FAM193A: variants seen among roughly 807,000 people sequenced by gnomAD.
The protein encoded by FAM193A is family with sequence similarity 193 member A.
FAM193A carries 22 observed loss-of-function variants against 126.5 expected under a neutral mutation model. The observed-to-expected ratio is 0.17, with a 90% confidence interval of 0.12 to 0.25. The LOEUF is 0.25. Ranked by LOEUF, FAM193A falls within the 10% of genes least tolerant of loss-of-function variation. The pLI is 1.00. For synonymous variants in FAM193A, 761 were observed against 646.8 expected (o/e 1.18, Z -2.68); for missense variants, 1,675 against 1,672.8 (o/e 1.00, Z -0.02).
At chr4:2,621,088 C>T (rs980125441) in intron 2 of FAM193A, among the ~76,000 whole-genome samples, 3 of 152,018 alleles carry the variant, frequency 2.0e-5, no homozygotes, top group Non-Finnish European at 2.9e-5. Flanking sequence ...CTGGAGAGTG[C>T]GTGCCTCTCA....
chr4:2,670,785 G>T (rs1360880841), intron 12 of FAM193A, among the ~76,000 whole-genome samples: 5 of 151,974 alleles, frequency 3.3e-5, no homozygotes, highest in African/African-American at 7.3e-5. Flanking sequence ...TTTAATCTTT[G>T]CTTGTCTCAT....
intron 19 of FAM193A, among the ~76,000 whole-genome samples, chr4:2,700,975 T>TAG (rs59346372): frequency 0.056 from 8,523 of 151,352 alleles, 354 homozygotes; most frequent in African/African-American, 0.12. Context: ...AAAATACATA[T>TAG]AGAGAGAGAG....
At chr4:2,691,028 T>G in intron 15 of FAM193A, 58 bp downstream of exon 15, 2 of 1,496,144 alleles carry the variant, frequency 1.3e-6, no homozygotes, top group Non-Finnish European at 1.8e-6. Context: ...GCTTACTGAC[T>G]TCTCGTCTTT....
intron 2 of FAM193A, among the ~76,000 whole-genome samples, chr4:2,619,024 G>A (rs904183346): frequency 3.3e-5 from 5 of 152,160 alleles, no homozygotes; most frequent in East Asian, 1.9e-4. Flanking sequence ...GAGCCATCGC[G>A]TCTGGGCTGG....
At chr4:2,655,707 G>A (rs1711591166) in intron 7 of FAM193A, among the ~76,000 whole-genome samples, 1 of 152,002 alleles carries the variant, frequency 6.6e-6, no homozygotes, top group African/African-American at 2.4e-5. Flanking sequence ...AAAGCAGAAG[G>A]ATCGCTTGAG....
At chr4:2,685,475 C>G (rs541409097) in intron 13 of FAM193A, among the ~76,000 whole-genome samples, 1 of 152,284 alleles carries the variant, frequency 6.6e-6, no homozygotes, top group South Asian at 2.1e-4. Flanking sequence ...GATCTTCGAC[C>G]TGCATGTTCT....
intron 2 of FAM193A, among the ~76,000 whole-genome samples, chr4:2,605,068 C>T (rs1441798773): frequency 6.6e-6 from 1 of 151,728 alleles, no homozygotes; most frequent in Non-Finnish European, 1.5e-5. Flanking sequence ...CTTGGCCTCT[C>T]CAAGTGCTGG....
At chr4:2,648,236 A>G (rs187426015) in intron 7 of FAM193A, among the ~76,000 whole-genome samples, 57 of 152,212 alleles carry the variant, frequency 3.7e-4, no homozygotes, top group Admixed American at 1.0e-3. Context: ...GTAAGTTCCA[A>G]CTTCGTCACA....
At chr4:2,652,699 G>A (rs973301415) in intron 7 of FAM193A, among the ~76,000 whole-genome samples, 1 of 152,074 alleles carries the variant, frequency 6.6e-6, no homozygotes, top group Non-Finnish European at 1.5e-5. Context: ...CCAACAATGG[G>A]GATTACAGTT....
intron 7 of FAM193A, among the ~76,000 whole-genome samples, chr4:2,651,703 G>A (rs758699947): frequency 4.6e-5 from 7 of 152,232 alleles, no homozygotes; most frequent in Non-Finnish European, 8.8e-5. Flanking sequence ...TTGACATGAC[G>A]TCACGGCAGA....
intron 13 of FAM193A, among the ~76,000 whole-genome samples, chr4:2,674,579 G>A (rs555740020): frequency 5.3e-5 from 8 of 152,292 alleles, no homozygotes; most frequent in African/African-American, 1.4e-4. Flanking sequence ...AGTTTCTGCT[G>A]TGCTGGGGTC....
intron 3 of FAM193A, 52 bp downstream of exon 3, chr4:2,625,447 A>G: frequency 3.0e-6 from 2 of 662,000 alleles, no homozygotes; most frequent in Admixed American, 4.3e-5. Context: ...TGACATGCAG[A>G]CCTGCATATT....
intron 4 of FAM193A, among the ~76,000 whole-genome samples, chr4:2,628,577 C>T (rs1208960046): frequency 6.6e-6 from 1 of 152,086 alleles, no homozygotes; most frequent in Admixed American, 6.6e-5. Context: ...TTCGGTGCTG[C>T]ACTGAGCTAG....
At chr4:2,554,476 A>T (rs1366452113) in intron 1 of FAM193A, among the ~76,000 whole-genome samples, 1 of 152,194 alleles carries the variant, frequency 6.6e-6, no homozygotes, top group East Asian at 1.9e-4. Flanking sequence ...TTTTCAAAAA[A>T]TTTAAGGTTT....
At chr4:2,681,145 A>C (rs776019209) in intron 13 of FAM193A, among the ~76,000 whole-genome samples, 7 of 151,034 alleles carry the variant, frequency 4.6e-5, no homozygotes, top group Non-Finnish European at 1.0e-4. Flanking sequence ...GTGCGCCACC[A>C]CTCCCAGCCC....
At chr4:2,728,526 G>T (rs1721008745) in intron 20 of FAM193A, among the ~76,000 whole-genome samples, 1 of 152,104 alleles carries the variant, frequency 6.6e-6, no homozygotes, top group Non-Finnish European at 1.5e-5. Context: ...GACAGATGTG[G>T]CTTGCACCCT....
chr4:2,619,828 T>G (rs1289464452), intron 2 of FAM193A, among the ~76,000 whole-genome samples: 3 of 152,156 alleles, frequency 2.0e-5, no homozygotes, highest in African/African-American at 7.2e-5. Flanking sequence ...GTGGCTGGGA[T>G]TGCAGGCTTG....
intron 1 of FAM193A, among the ~76,000 whole-genome samples, chr4:2,549,395 CTTTTTTTTT>C (rs869161808): frequency 4.1e-5 from 5 of 122,648 alleles, no homozygotes; most frequent in Non-Finnish European, 8.5e-5. Flanking sequence ...TTCTTTTTTT[CTTTTTTTTT>C]TTTTTTTTTT....
chr4:2,608,721 G>A lies in FAM193A; in HGVS notation c.501+12392G>A, dbSNP rs566850828. Among the ~76,000 whole-genome samples the A allele has an allele frequency of 2.1e-3, 327 of 152,268 alleles. 1 individual carries two copies. The highest frequency in any genetic ancestry group is 0.01 in the Middle Eastern group (3 of 294). On this transcript the variant is annotated intron_variant, in intron 2 of 20. Coordinates refer to ENST00000637812, the MANE Select transcript of FAM193A (RefSeq NM_001366318.2). ...CCCACTGAAGGAGAAATTCAGAGAA[G>A]AGAGGTGGGATGGCTGAGACATTTT...
Sources: allele counts gnomAD v4.1 joint callset (sites outside exome capture counted in the v4.1 genomes callset), GRCh38; gene constraint gnomAD v4.1.1; transcripts MANE v1.5; gene names NCBI Gene and HGNC (gene_info 2026-07-23, HGNC 2026-07-21).